The following SPRY4 variants were observed in gnomAD, a reference collection of about 807,000 sequenced individuals.
SPRY4 encodes protein sprouty homolog 4.
SPRY4 carries 7 observed loss-of-function variants against 17.0 expected under a neutral mutation model. The observed-to-expected ratio is 0.41, with a 90% CI of 0.23 to 0.77. SPRY4 has a LOEUF of 0.77. SPRY4 is among the 30% of genes least tolerant of loss of function. SPRY4 has a pLI of 0.32. For missense variants in SPRY4, 435 were observed against 419.9 expected, an observed-to-expected ratio of 1.04 and a Z score of -0.31; for synonymous variants, 183 against 174.1, an observed-to-expected ratio of 1.05 and a Z score of -0.40.
In SPRY4 at chr5:142,314,580, G is replaced by A; in HGVS notation, c.529C>T (p.Pro177Ser). 1.2e-6 allele frequency: 2 copies of A among 1,614,256 alleles called. No individual in the cohort carries two copies. The highest frequency in any genetic ancestry group is 1.1e-5 in the South Asian group (1 of 91,082). Residue 177 changes from proline (P) to serine (S), a missense_variant, in exon 2 of 2, where the codon CCT (proline) becomes TCT (serine). By Grantham distance (74) the Pro-to-Ser change is moderately conservative (BLOSUM62 -1). Coordinates refer to ENST00000434127, the MANE Select transcript of SPRY4 (RefSeq NM_001127496.3). This position sits in a 1 kb window ranked among gnomAD's most constrained non-coding sequence, Gnocchi z 4.8. ...CKECASPRTLPSCWVCNQECL... is the reference protein window; with the variant it reads ...CKECASPRTLSSCWVCNQECL... ...TCCTGGTTGCAGACCCAGCAGGAAG[G>A]CAACGTCCGGGGGGATGCACACTCC...
At chr5:142,318,492 A>G (rs984744525) in intron 1 of SPRY4, among the ~76,000 whole-genome samples, 4 of 152,044 alleles carry the variant, frequency 2.6e-5, no homozygotes, top group African/African-American at 9.7e-5. Flanking sequence ...TCTCAAGAAA[A>G]AAAAAAAGAA....
Position 142,313,766 on chromosome 5 carries a change from T to G in SPRY4, c.*443A>C. ...CTTTAAAGGTACCCTGGTACTCAGT[T>G]AACAATTCCTCCCAGGCAGCTAGCT... On this transcript the variant is annotated 3_prime_UTR_variant, in exon 2 of 2. Transcript: ENST00000434127. 1 of 158,368 alleles carries G rather than the reference T, an allele frequency of 6.3e-6. No homozygotes were observed. The highest frequency in any genetic ancestry group is 4.1e-3 in the Middle Eastern group (1 of 246). The allele number at this position is 158,368 out of a possible 1,614,324, so 9.8% of individuals were successfully genotyped here. A position where few individuals can be genotyped will look rare whatever the true frequency, so the allele number is the denominator to read the frequency against.
At position 142,318,818 on chromosome 5, in the gene SPRY4, G is replaced by A. The variant is rs551564627; in HGVS notation, c.-47-3663C>T. 1.5e-4 allele frequency among the ~76,000 whole-genome samples: 22 copies of A among 151,498 alleles called. No individual in the cohort carries two copies. In the South Asian group the frequency reaches 1.5e-3, roughly 10 times the overall value. On this transcript the variant is annotated intron_variant, in intron 1 of 1. Transcript: ENST00000434127. ...TGGTACTCTTACGAACTGGCAAGAG[G>A]GAAGGGACTTTTACCTCCACTCAAC... is the stretch of plus-strand genomic sequence containing the variant.
rs760587120 is a variant in SPRY4 at position 142,314,525 on chromosome 5, T to C, written c.584A>G (p.Asn195Ser). 2.4e-5 allele frequency: 39 copies of C among 1,614,242 alleles called. No individual in the cohort carries two copies. Among genetic ancestry groups the C allele is most frequent in the East Asian group, 4.5e-5 (2 of 44,886 alleles). Residue 195 changes from asparagine (N) to serine (S), a missense_variant, in exon 2 of 2, where the codon AAC becomes AGC. Physicochemically the swap from Asn to Ser is conservative, Grantham distance 46 (BLOSUM62 1). Coordinates refer to ENST00000434127, the MANE Select transcript of SPRY4 (RefSeq NM_001127496.3). The surrounding 1 kb of genome is among the most constrained non-coding windows in gnomAD (Gnocchi z 4.8). Reference protein sequence around the residue: ...ECLCSAQTLVNYGTCMCLVQG... With the variant: ...ECLCSAQTLVSYGTCMCLVQG... ...CACCAAACACATGCACGTGCCATAG[T>C]TGACCAGAGTCTGGGCTGAGCACAG...
At position 142,311,410 on chromosome 5, in the gene SPRY4, T is replaced by C. The variant is rs1758904059; in HGVS notation, c.*2799A>G. 6.6e-6 allele frequency: 1 copy of C among 152,206 alleles called. No individual in the cohort carries two copies. The highest frequency in any genetic ancestry group is 6.5e-5 in the Admixed American group (1 of 15,268). 9.4% of individuals were successfully genotyped at this position (152,206 alleles called of 1,614,324 possible). A position where few individuals can be genotyped will look rare whatever the true frequency, so the allele number is the denominator to read the frequency against. On this transcript the variant is annotated 3_prime_UTR_variant, in exon 2 of 2. Coordinates refer to ENST00000434127, the MANE Select transcript of SPRY4 (RefSeq NM_001127496.3). ...TTTCAAAAAAGGTCAAGCCGAGGCA[T>C]CGTCCAGCCAAACAGGCCATTGGTG...
chr5:142,322,681 T>C (rs1272464633), intron 1 of SPRY4, among the ~76,000 whole-genome samples: 2 of 151,966 alleles, frequency 1.3e-5, no homozygotes, highest in Non-Finnish European at 2.9e-5. Context: ...AGAGGGCATT[T>C]ACACTCCACT....
At chr5:142,315,320 A>G (rs1372392179) in intron 1 of SPRY4, 165 bp from the exon 2 acceptor site, 2 of 580,082 alleles carry the variant, frequency 3.4e-6, no homozygotes, top group African/African-American at 3.7e-5. Context: ...AAGATGATTA[A>G]TAATGACAAG....
intron 1 of SPRY4, chr5:142,323,791 TG>T (rs956687159): frequency 2.0e-5 from 3 of 152,356 alleles, no homozygotes; most frequent in Admixed American, 6.5e-5. Flanking sequence ...CTGGACCCAG[TG>T]ATGGAGCCAA....
chr5:142,310,441 G>A lies in SPRY4; in HGVS notation c.*3768C>T, dbSNP rs1287359344. The A allele has an allele frequency of 6.6e-6, 1 of 152,364 alleles. No homozygotes were observed. Among genetic ancestry groups the A allele is most frequent in the Non-Finnish European group, 1.5e-5 (1 of 68,018 alleles). The allele number at this position is 152,364 out of a possible 1,614,324, so 9.4% of individuals were successfully genotyped here. A position where few individuals can be genotyped will look rare whatever the true frequency, so the allele number is the denominator to read the frequency against. On this transcript the variant is annotated 3_prime_UTR_variant, in exon 2 of 2. Coordinates refer to ENST00000434127, the MANE Select transcript of SPRY4 (RefSeq NM_001127496.3). ...AACACACCAGAAACGGCAGTCCCGT[G>A]TATATTTAACAATATATATTTATAT... is the stretch of plus-strand genomic sequence containing the variant.
chr5:142,318,071 C>CT, intron 1 of SPRY4: 1 of 985,244 alleles, frequency 1.0e-6, no homozygotes. Flanking sequence ...AGCAGGGACC[C>CT]TCCAAGAGCC....
In SPRY4 at chr5:142,314,552, C is replaced by T. The variant is rs148983803; in HGVS notation, c.557G>A (p.Cys186Tyr). 2.7e-3 allele frequency: 4,326 copies of T among 1,614,244 alleles called. 10 individuals are homozygous for T. The highest frequency in any genetic ancestry group is 3.2e-3 in the Non-Finnish European group (3,755 of 1,180,038). Residue 186 changes from cysteine (C) to tyrosine (Y), a missense_variant, in exon 2 of 2, where the codon TGC becomes TAC. Transcript: ENST00000434127. The surrounding 1 kb of genome is among the most constrained non-coding windows in gnomAD (Gnocchi z 4.8). ...LPSCWVCNQE[C>Y]LCSAQTLVNY... ...GACCAGAGTCTGGGCTGAGCACAGG[C>T]ACTCCTGGTTGCAGACCCAGCAGGA... is the stretch of plus-strand genomic sequence containing the variant.
chr5:142,323,277 CAGA>C (rs1368677873), intron 1 of SPRY4, among the ~76,000 whole-genome samples: 1 of 151,958 alleles, frequency 6.6e-6, no homozygotes, highest in Non-Finnish European at 1.5e-5. Context: ...CGGTCAGCTA[CAGA>C]CACAGACGAG....
chr5:142,319,807 AAG>A, intron 1 of SPRY4: 1 of 1,606,866 alleles, frequency 6.2e-7, no homozygotes, highest in East Asian at 2.2e-5. Flanking sequence ...GAAAAGAATC[AAG>A]AGGCATGTTA....
At chr5:142,318,879 C>T (rs1759250069) in intron 1 of SPRY4, among the ~76,000 whole-genome samples, 1 of 152,168 alleles carries the variant, frequency 6.6e-6, no homozygotes, top group Non-Finnish European at 1.5e-5. Context: ...ATGGAAGCGG[C>T]TAATATTTAC....
rs1758886451 is a variant in SPRY4 at position 142,310,968 on chromosome 5, G to A, written c.*3241C>T. ...CAGAAGGAGAACAGGATGCTTCAAG[G>A]TGACAGTCATCCGGGTTCTGGTGCA... On this transcript the variant is annotated 3_prime_UTR_variant, in exon 2 of 2. Transcript: ENST00000434127. 1 of 152,256 alleles carries A rather than the reference G, an allele frequency of 6.6e-6. No homozygotes were observed. The highest frequency in any genetic ancestry group is 2.4e-5 in the African/African-American group (1 of 41,428). The allele number at this position is 152,256 out of a possible 1,614,324, so 9.4% of individuals were successfully genotyped here.
chr5:142,322,970 CAGAG>C (rs908097452), intron 1 of SPRY4, among the ~76,000 whole-genome samples: 2 of 147,170 alleles, frequency 1.4e-5, no homozygotes, highest in Non-Finnish European at 3.0e-5. Context: ...TTCTGGGAGA[CAGAG>C]AGGGAGAGAG....
At chr5:142,321,318 C>G (rs1759338394) in intron 1 of SPRY4, among the ~76,000 whole-genome samples, 1 of 152,204 alleles carries the variant, frequency 6.6e-6, no homozygotes, top group Non-Finnish European at 1.5e-5. Context: ...TTTATTTTCT[C>G]TACTGTGCAG....
intron 1 of SPRY4, among the ~76,000 whole-genome samples, chr5:142,321,530 C>A (rs758096122): frequency 6.6e-6 from 1 of 150,622 alleles, no homozygotes; most frequent in East Asian, 2.0e-4. Context: ...TGAGATAGAA[C>A]CTTCTCCACT....
intron 1 of SPRY4, chr5:142,324,132 C>A (rs1759446720): frequency 6.6e-6 from 1 of 152,308 alleles, no homozygotes; most frequent in Non-Finnish European, 1.5e-5. Context: ...TCAGGCCTTA[C>A]AGAGGCCAGG....
Sources: gnomAD v4.1 joint callset for allele counts (sites outside exome capture counted in the v4.1 genomes callset) on GRCh38, gnomAD v4.1.1 for gene constraint, Gnocchi (gnomAD v3.1) non-coding constraint, MANE v1.5 for transcripts, NCBI Gene and HGNC (gene_info 2026-07-23, HGNC 2026-07-21) for gene names.